MPHOSPH6: variants seen among roughly 807,000 people sequenced by gnomAD.
MPHOSPH6 encodes M-phase phosphoprotein 6.
A neutral mutation model predicts 21.8 loss-of-function variants in MPHOSPH6; 25 were observed. The ratio of observed to expected loss-of-function variants is 1.15; its 90% CI spans 0.83 to 1.60. The LOEUF (loss-of-function observed/expected upper bound fraction) is 1.60, where lower values mean the gene tolerates loss of function less well. Ranked by LOEUF, MPHOSPH6 falls within the 40% of genes most tolerant of loss-of-function variation. The pLI is 0.00. For missense variants in MPHOSPH6, 269 were observed against 181.8 expected, an observed-to-expected ratio of 1.48 and a Z score of -2.76; for synonymous variants, 84 against 56.5, an observed-to-expected ratio of 1.49 and a Z score of -2.18.
chr16:82,151,188 T>C (rs16956556), intron 3 of MPHOSPH6: 52,799 of 304,886 alleles, frequency 0.17, 5,760 homozygotes, highest in Admixed American at 0.37. Flanking sequence ...TTAATATTTA[T>C]GGTGGCTCTG....
chr16:82,163,694 GC>G (rs1906674370), intron 2 of MPHOSPH6, among the ~76,000 whole-genome samples: 1 of 152,198 alleles, frequency 6.6e-6, no homozygotes, highest in Non-Finnish European at 1.5e-5. Flanking sequence ...CTTCTGACCT[GC>G]CTTAAAATGC....
intron 2 of MPHOSPH6, 186 bp downstream of exon 2, chr16:82,163,896 A>T: frequency 2.0e-6 from 1 of 504,912 alleles, no homozygotes; most frequent in Non-Finnish European, 3.5e-6. Flanking sequence ...GAGGGGGAGT[A>T]GTAAAAATGT....
chr16:82,157,464 T>C (rs1314905934), intron 2 of MPHOSPH6, among the ~76,000 whole-genome samples: 1 of 152,210 alleles, frequency 6.6e-6, no homozygotes, highest in East Asian at 1.9e-4. Context: ...ATCAGAACAG[T>C]GCTTGCATCA....
intron 2 of MPHOSPH6, among the ~76,000 whole-genome samples, chr16:82,154,063 A>C (rs1459822549): frequency 6.6e-6 from 1 of 152,206 alleles, no homozygotes; most frequent in Non-Finnish European, 1.5e-5. Context: ...TAACACTCAC[A>C]GGTTTCAGAG....
At chr16:82,161,613 T>C (rs566029636) in intron 2 of MPHOSPH6, among the ~76,000 whole-genome samples, 2 of 152,294 alleles carry the variant, frequency 1.3e-5, no homozygotes, top group South Asian at 2.1e-4. Context: ...GACAGACATA[T>C]ATGCAGAAAA....
At chr16:82,154,982 T>C (rs182433331) in intron 2 of MPHOSPH6, among the ~76,000 whole-genome samples, 12 of 152,320 alleles carry the variant, frequency 7.9e-5, no homozygotes, top group African/African-American at 2.9e-4. Flanking sequence ...TGTCAGCAAA[T>C]TGAATTTAAA....
Position 82,148,737 on chromosome 16 carries a change from C to G in MPHOSPH6, c.477G>C (p.Gln159His). The change falls in exon 5 of 5, where the codon CAG becomes CAC. Residue 159 changes from glutamine to histidine, a missense_variant. By Grantham distance (24) the Gln-to-His change is conservative. Transcript: ENST00000258169. Reference sequence around the variant, plus strand: ...ATCGCTTAAGGCATCCATCTTAATCCTGGGGCTTTAAGAACATCTTCTTTG... The same window carrying G: ...ATCGCTTAAGGCATCCATCTTAATCGTGGGGCTTTAAGAACATCTTCTTTG... ...IKAKKMFLKP[Q>H]D The G allele has an allele frequency of 6.2e-7, 1 of 1,614,086 alleles. No individual in the cohort carries two copies.
At chr16:82,152,611 T>C (rs1302572153) in intron 2 of MPHOSPH6, among the ~76,000 whole-genome samples, 1 of 152,152 alleles carries the variant, frequency 6.6e-6, no homozygotes, top group Non-Finnish European at 1.5e-5. Flanking sequence ...GCTAGGTGGT[T>C]GCACCAGAAC....
At chr16:82,161,015 G>A (rs1042274383) in intron 2 of MPHOSPH6, among the ~76,000 whole-genome samples, 1 of 152,110 alleles carries the variant, frequency 6.6e-6, no homozygotes, top group African/African-American at 2.4e-5. Flanking sequence ...GACTTGCTAA[G>A]TTTCTCCTGG....
chr16:82,165,713 T>C (rs1323837917), intron 1 of MPHOSPH6, among the ~76,000 whole-genome samples: 1 of 152,240 alleles, frequency 6.6e-6, no homozygotes, highest in Non-Finnish European at 1.5e-5. Context: ...TACAGTAGCA[T>C]GCTGTATAGG....
intron 3 of MPHOSPH6, among the ~76,000 whole-genome samples, chr16:82,149,977 T>G (rs1906211474): frequency 6.6e-6 from 1 of 151,846 alleles, no homozygotes; most frequent in Non-Finnish European, 1.5e-5. Flanking sequence ...CTCCAACTCT[T>G]TCACATAAAC....
intron 1 of MPHOSPH6, among the ~76,000 whole-genome samples, chr16:82,167,951 C>T (rs969613300): frequency 2.6e-5 from 4 of 152,190 alleles, no homozygotes; most frequent in Non-Finnish European, 5.9e-5. Context: ...CTACTCCATG[C>T]CTTCTCACAG....
In MPHOSPH6 at chr16:82,148,515, AGG is replaced by A. The variant is rs1398658515; in HGVS notation, c.*214_*215del. The stretch of plus-strand genomic sequence containing the variant: ...CTGTAACAATGTACATTTGTAGATC[AGG>A]GGCTAAAAATCCACTCTGAATGAAT... On this transcript the variant is annotated 3_prime_UTR_variant, in exon 5 of 5. Coordinates refer to ENST00000258169, the MANE Select transcript of MPHOSPH6 (RefSeq NM_005792.2). 9 of 498,230 alleles carry A rather than the reference AGG, an allele frequency of 1.8e-5. No homozygotes were observed. Among genetic ancestry groups the A allele is most frequent in the Non-Finnish European group, 3.0e-5 (9 of 302,592 alleles). The allele number at this position is 498,230 out of a possible 1,614,324, so 30.9% of individuals were successfully genotyped here.
intron 1 of MPHOSPH6, among the ~76,000 whole-genome samples, chr16:82,166,348 C>T (rs958842079): frequency 1.3e-5 from 2 of 152,244 alleles, no homozygotes; most frequent in African/African-American, 2.4e-5. Context: ...CTATACTTCC[C>T]AGTCCTTTTG....
chr16:82,155,521 C>A (rs527595751), intron 2 of MPHOSPH6, among the ~76,000 whole-genome samples: 1 of 152,036 alleles, frequency 6.6e-6, no homozygotes, highest in South Asian at 2.1e-4. Flanking sequence ...TACATACACA[C>A]AACAAATAAG....
chr16:82,159,415 T>G (rs1353922607), intron 2 of MPHOSPH6, among the ~76,000 whole-genome samples: 5 of 152,226 alleles, frequency 3.3e-5, no homozygotes, highest in Non-Finnish European at 7.3e-5. Flanking sequence ...AAATAAATTT[T>G]TTTTTTTGAG....
At chr16:82,168,309 C>T (rs1467730081) in intron 1 of MPHOSPH6, among the ~76,000 whole-genome samples, 4 of 152,144 alleles carry the variant, frequency 2.6e-5, no homozygotes, top group African/African-American at 9.7e-5. Flanking sequence ...TAAAATCAAA[C>T]TCTGTTCAGT....
chr16:82,156,773 C>G (rs1397825846), intron 2 of MPHOSPH6, among the ~76,000 whole-genome samples: 1 of 152,064 alleles, frequency 6.6e-6, no homozygotes, highest in African/African-American at 2.4e-5. Flanking sequence ...TATCCATAAG[C>G]GTAAAAAAAC....
intron 2 of MPHOSPH6, among the ~76,000 whole-genome samples, chr16:82,160,077 G>A (rs543345596): frequency 3.4e-4 from 52 of 152,296 alleles, no homozygotes; most frequent in Non-Finnish European, 6.9e-4. Flanking sequence ...ATTCAGAGCA[G>A]GACTACTGGC....
Sources: gnomAD v4.1 joint callset for allele counts (sites outside exome capture counted in the v4.1 genomes callset) on GRCh38, gnomAD v4.1.1 for gene constraint, MANE v1.5 for transcripts, NCBI Gene and HGNC (gene_info 2026-07-23, HGNC 2026-07-21) for gene names.